Variants in DUSP14 observed in about 807,000 individuals in gnomAD.
DUSP14 encodes the protein dual specificity phosphatase 14, also known as dual specificity protein phosphatase 14.
In DUSP14, 5 loss-of-function variants were observed where a neutral mutation model predicts 13.2. The observed-to-expected ratio is 0.38, with a 90% CI of 0.20 to 0.80. The LOEUF is 0.80. DUSP14 is among the 30% of genes least tolerant of loss of function. The pLI is 0.44. For synonymous variants in DUSP14, 91 were observed against 103.4 expected (o/e 0.88, Z 0.73); for missense variants, 185 against 264.0 (o/e 0.70, Z 2.07).
Position 37,512,688 on chromosome 17 carries a change from A to G in DUSP14, c.416A>G (p.Asn139Ser), listed in dbSNP as rs369912966. 2.2e-5 allele frequency: 36 copies of G among 1,614,004 alleles called. No individual in the cohort carries two copies. The African/African-American group carries it at 4.4e-4, about 20-fold the overall frequency. ...FHNVCLLEAY[N>S]WVKARRPVIR... is the part of the protein sequence containing the mutation. ...AACGTGTGCCTGCTGGAGGCGTACA[A>G]CTGGGTGAAAGCCCGGCGACCTGTC... is the stretch of plus-strand genomic sequence containing the variant. The change falls in exon 3 of 3, where the codon AAC becomes AGC. Residue 139 changes from asparagine (N) to serine (S), a missense_variant. Transcript: ENST00000617516. This position sits in a 1 kb window ranked among gnomAD's most constrained non-coding sequence, Gnocchi z 4.8.
rs1324127645 is a variant in DUSP14 at position 37,513,223 on chromosome 17, T to G, written c.*354T>G. 1 of 245,182 alleles carries G rather than the reference T, an allele frequency of 4.1e-6. No homozygotes were observed. Among genetic ancestry groups the G allele is most frequent in the African/African-American group, 2.3e-5 (1 of 44,318 alleles). The allele number at this position is 245,182 out of a possible 1,614,324, so 15.2% of individuals were successfully genotyped here. A position where few individuals can be genotyped will look rare whatever the true frequency, so the allele number is the denominator to read the frequency against. On this transcript the variant is annotated 3_prime_UTR_variant, in exon 3 of 3. Transcript: ENST00000617516. ...GAGGAGCTCAGTGCAAAAATCACTT[T>G]GGGGCCTCATTAACCCTTTAGAGAC...
intron 2 of DUSP14, among the ~76,000 whole-genome samples, chr17:37,510,972 T>C (rs2054179748): frequency 2.9e-5 from 4 of 137,632 alleles, no homozygotes. Context: ...CCTTTTCTGC[T>C]CTTATTAAAT....
intron 1 of DUSP14, among the ~76,000 whole-genome samples, chr17:37,509,658 A>G (rs935143946): frequency 6.6e-6 from 1 of 152,078 alleles, no homozygotes; most frequent in Non-Finnish European, 1.5e-5. Context: ...ATAAAAGTCC[A>G]TTGATAGAAA....
chr17:37,502,923 T>C (rs981772191), intron 1 of DUSP14, among the ~76,000 whole-genome samples: 3 of 152,112 alleles, frequency 2.0e-5, no homozygotes, highest in African/African-American at 4.8e-5. Context: ...TAGGTTGGAG[T>C]GCAGTGGCGC....
chr17:37,498,719 T>C (rs2054085759), intron 1 of DUSP14, among the ~76,000 whole-genome samples: 1 of 152,058 alleles, frequency 6.6e-6, no homozygotes, highest in South Asian at 2.1e-4. Flanking sequence ...GAGTTTCTTA[T>C]TCCATTTATC....
chr17:37,507,876 T>A (rs2054148281), intron 1 of DUSP14, among the ~76,000 whole-genome samples: 1 of 152,212 alleles, frequency 6.6e-6, no homozygotes, highest in South Asian at 2.1e-4. Context: ...ACAGTGACTT[T>A]GCTTTTTAAA....
intron 1 of DUSP14, among the ~76,000 whole-genome samples, chr17:37,502,946 C>T (rs1207393525): frequency 2.0e-5 from 3 of 152,282 alleles, no homozygotes; most frequent in South Asian, 2.1e-4. Flanking sequence ...TCGTAGCCCC[C>T]TACAACCTTG....
chr17:37,492,589 G>C (rs915305727), intron 1 of DUSP14, among the ~76,000 whole-genome samples: 4 of 152,128 alleles, frequency 2.6e-5, no homozygotes, highest in African/African-American at 9.7e-5. Context: ...AAGTAAGGTC[G>C]GTCTCTGACC....
chr17:37,502,725 C>T (rs1749234198), intron 1 of DUSP14, among the ~76,000 whole-genome samples: 1 of 152,038 alleles, frequency 6.6e-6, no homozygotes, highest in South Asian at 2.1e-4. Flanking sequence ...CACCCATGGC[C>T]TCTCCGTGTG....
intron 1 of DUSP14, among the ~76,000 whole-genome samples, chr17:37,494,530 C>T (rs1160461559): frequency 6.6e-6 from 1 of 152,062 alleles, no homozygotes; most frequent in Admixed American, 6.6e-5. Context: ...TGTGAACAGA[C>T]AGTTACCAGG....
intron 1 of DUSP14, among the ~76,000 whole-genome samples, chr17:37,496,440 C>G (rs2054065310): frequency 1.3e-5 from 2 of 151,922 alleles, no homozygotes; most frequent in South Asian, 4.2e-4. Context: ...GAAACCCCAT[C>G]TCTTATAAAA....
rs765033929 is a variant in DUSP14, at chr17:37,498,314, C to CT, written c.-181+8386dup. Among the ~76,000 whole-genome samples the CT allele has an allele frequency of 6.8e-3, 482 of 70,582 alleles. 55 individuals are homozygous for CT. The highest frequency in any genetic ancestry group is 7.8e-3 in the Non-Finnish European group (315 of 40,220). The allele number at this position is 70,582 out of a possible 152,430, so 46.3% of individuals were successfully genotyped here. ...ACTTGTTTTGTGTACTAGATTGTATCTTTTTTTTTTTTTTTTTTTTTTTTT... is the reference window on the plus strand; with the variant it reads ...ACTTGTTTTGTGTACTAGATTGTATCTTTTTTTTTTTTTTTTTTTTTTTTTT... On this transcript the variant is annotated intron_variant, in intron 1 of 2. Transcript: ENST00000617516.
chr17:37,496,879 G>A (rs147545056), intron 1 of DUSP14, among the ~76,000 whole-genome samples: 2,006 of 141,720 alleles, frequency 0.014, 18 homozygotes, highest in Non-Finnish European at 0.019. Context: ...TTGAGCCACT[G>A]CACTCCAGCC....
At chr17:37,491,697 G>A (rs2054029616) in intron 1 of DUSP14, 1 of 152,168 alleles carries the variant, frequency 6.6e-6, no homozygotes, top group Admixed American at 6.5e-5. Flanking sequence ...GACTAGCCAA[G>A]TATGTAAGTC....
rs186273310 is a variant in DUSP14, at chr17:37,494,814, G to A, written c.-181+4856G>A. On this transcript the variant is annotated intron_variant, in intron 1 of 2. Transcript: ENST00000617516. ...GGGAATCCTTTTTAGCTGGAGGGAT[G>A]ATGGAAGAACACTAGCACAAAGACT... Among the ~76,000 whole-genome samples the A allele has an allele frequency of 1.4e-4, 21 of 152,308 alleles. No homozygotes were observed. In the East Asian group the frequency reaches 4.1e-3, roughly 29 times the overall value.
intron 1 of DUSP14, among the ~76,000 whole-genome samples, chr17:37,493,672 CTTT>C (rs35368460): frequency 2.9e-5 from 4 of 137,292 alleles, no homozygotes; most frequent in Non-Finnish European, 1.6e-5. Flanking sequence ...TTTCATCAAT[CTTT>C]TTTTTTTTTT....
At chr17:37,493,999 T>TTC (rs1194965578) in intron 1 of DUSP14, among the ~76,000 whole-genome samples, 1 of 151,396 alleles carries the variant, frequency 6.6e-6, no homozygotes, top group African/African-American at 2.4e-5. Flanking sequence ...TTAAACTTTT[T>TTC]TTTTTTTTTT....
intron 1 of DUSP14, among the ~76,000 whole-genome samples, chr17:37,507,878 C>G (rs1416180848): frequency 1.3e-5 from 2 of 152,198 alleles, no homozygotes; most frequent in African/African-American, 4.8e-5. Context: ...AGTGACTTTG[C>G]TTTTTAAACC....
In DUSP14 at chr17:37,512,822, G is replaced by A. The variant is rs78112585; in HGVS notation, c.550G>A (p.Val184Ile). Reference protein sequence around the residue: ...VQTPYGIVPDVYEKESRHLMP... With the variant: ...VQTPYGIVPDIYEKESRHLMP... The stretch of plus-strand genomic sequence containing the variant: ...GACACCTTATGGCATAGTTCCCGAC[G>A]TCTATGAGAAGGAGTCCCGACACCT... The change falls in exon 3 of 3, where the codon GTC becomes ATC. Residue 184 changes from valine to isoleucine, a missense_variant. By Grantham distance (29) the Val-to-Ile change is conservative (BLOSUM62 3). Transcript: ENST00000617516. This position sits in a 1 kb window ranked among gnomAD's most constrained non-coding sequence, Gnocchi z 4.8. The A allele has an allele frequency of 9.1e-4, 1,459 of 1,611,532 alleles. 27 individuals are homozygous for A. In the East Asian group the frequency reaches 0.029, roughly 32 times the overall value.
Sources: allele counts gnomAD v4.1 joint callset (sites outside exome capture counted in the v4.1 genomes callset), GRCh38; gene constraint gnomAD v4.1.1; non-coding constraint Gnocchi (gnomAD v3.1); transcripts MANE v1.5; gene names NCBI Gene and HGNC (gene_info 2026-07-23, HGNC 2026-07-21).